SHISA9: variants seen among roughly 807,000 people sequenced by gnomAD.
The protein encoded by SHISA9 is shisa family member 9, also known as protein shisa-9.
A neutral mutation model predicts 38.0 loss-of-function variants in SHISA9; 13 were observed. That is an observed-to-expected ratio of 0.34 (90% CI 0.22 to 0.54). The LOEUF (loss-of-function observed/expected upper bound fraction) is 0.54. SHISA9 is among the 20% of genes least tolerant of loss of function. The pLI is 0.91. For synonymous variants in SHISA9, 275 were observed against 242.0 expected (o/e 1.14, Z -1.27); for missense variants, 538 against 575.8 (o/e 0.93, Z 0.67).
intron 2 of SHISA9, among the ~76,000 whole-genome samples, chr16:13,187,371 A>G (rs1267918368): frequency 5.8e-5 from 7 of 120,618 alleles, no homozygotes; most frequent in Non-Finnish European, 1.1e-4. Context: ...GTCTTGCTCT[A>G]TCACCCAGGC....
the SHISA9 span, among the ~76,000 whole-genome samples, chr16:13,269,768 G>T: frequency 6.6e-6 from 1 of 152,214 alleles, no homozygotes; most frequent in African/African-American, 2.4e-5. Flanking sequence ...GCTACAGTAA[G>T]GCTGTAGAGG....
downstream of SHISA9, among the ~76,000 whole-genome samples, chr16:13,244,745 A>G (rs2051459802): frequency 6.6e-6 from 1 of 152,192 alleles, no homozygotes; most frequent in Non-Finnish European, 1.5e-5. Flanking sequence ...TCAGCTGTAT[A>G]TGTGCTTTTC....
intron 2 of SHISA9, among the ~76,000 whole-genome samples, chr16:13,108,177 G>C (rs1361812230): frequency 1.3e-5 from 2 of 151,056 alleles, no homozygotes; most frequent in African/African-American, 4.9e-5. Context: ...CACCCAAGCT[G>C]GAGTGCAGTG....
At chr16:12,961,372 A>C (rs1312375220) in intron 2 of SHISA9, among the ~76,000 whole-genome samples, 1 of 152,206 alleles carries the variant, frequency 6.6e-6, no homozygotes, top group African/African-American at 2.4e-5. Context: ...ACGGCAATGG[A>C]GATCCATGGA....
the SHISA9 span, among the ~76,000 whole-genome samples, chr16:13,354,873 G>A: frequency 1.3e-5 from 2 of 152,138 alleles, no homozygotes; most frequent in Admixed American, 1.3e-4. Context: ...TGGCGAGATA[G>A]GTAACAGTTG....
At chr16:13,224,664 C>G (rs1054479080) in intron 4 of SHISA9, among the ~76,000 whole-genome samples, 1 of 152,126 alleles carries the variant, frequency 6.6e-6, no homozygotes, top group African/African-American at 2.4e-5. Flanking sequence ...TTAAGGGAGA[C>G]AGAGCATACA....
chr16:13,031,425 A>C (rs139491989), intron 2 of SHISA9, among the ~76,000 whole-genome samples: 1 of 152,182 alleles, frequency 6.6e-6, no homozygotes, highest in Non-Finnish European at 1.5e-5. Context: ...GGGATGCCTG[A>C]GGTAGAGTGG....
chr16:12,909,196 C>G, intron 1 of SHISA9: 1 of 985,704 alleles, frequency 1.0e-6, no homozygotes, highest in Non-Finnish European at 1.2e-6. Context: ...GGCACTGAGT[C>G]CTTGCATTTT....
At chr16:13,389,648 A>C in the SHISA9 span, among the ~76,000 whole-genome samples, 724 of 152,320 alleles carry the variant, frequency 4.8e-3, 8 homozygotes, top group Non-Finnish European at 7.9e-3. Context: ...AGCAGGTGGC[A>C]GCATTCCAGA....
intron 2 of SHISA9, among the ~76,000 whole-genome samples, chr16:13,046,282 G>T (rs1164988469): frequency 6.6e-6 from 1 of 152,150 alleles, no homozygotes; most frequent in Non-Finnish European, 1.5e-5. Flanking sequence ...CTAAATTTAG[G>T]TCCTATATGA....
chr16:13,479,265 C>T, the SHISA9 span, among the ~76,000 whole-genome samples: 1 of 152,156 alleles, frequency 6.6e-6, no homozygotes, highest in Non-Finnish European at 1.5e-5. Flanking sequence ...AAGATAATCT[C>T]CCTGTCTCAA....
At chr16:13,189,995 T>C (rs1424407801) in intron 2 of SHISA9, among the ~76,000 whole-genome samples, 2 of 151,844 alleles carry the variant, frequency 1.3e-5, no homozygotes, top group African/African-American at 2.4e-5. Context: ...GCTGGGGCTA[T>C]TGAGTGAAGG....
At chr16:13,041,474 G>T (rs534214252) in intron 2 of SHISA9, among the ~76,000 whole-genome samples, 16 of 152,264 alleles carry the variant, frequency 1.1e-4, no homozygotes, top group Admixed American at 2.6e-4. Context: ...TTCCCTGTTG[G>T]AGCCACGTAT....
chr16:13,036,291 A>G (rs1212788806), intron 2 of SHISA9, among the ~76,000 whole-genome samples: 1 of 152,270 alleles, frequency 6.6e-6, no homozygotes, highest in Non-Finnish European at 1.5e-5. Flanking sequence ...TATTTTAACA[A>G]CAATAGTAAA....
the SHISA9 span, among the ~76,000 whole-genome samples, chr16:13,470,089 A>G: frequency 6.6e-6 from 1 of 151,996 alleles, no homozygotes; most frequent in Non-Finnish European, 1.5e-5. Context: ...TCCCCTATTT[A>G]CTCTTCTACA....
the SHISA9 span, among the ~76,000 whole-genome samples, chr16:13,393,913 G>A: frequency 6.6e-6 from 1 of 152,162 alleles, no homozygotes; most frequent in Non-Finnish European, 1.5e-5. Context: ...TTGGGTCATT[G>A]TTCCCATTCT....
intron 4 of SHISA9, among the ~76,000 whole-genome samples, chr16:13,222,629 G>A (rs1180126584): frequency 3.3e-5 from 5 of 152,092 alleles, no homozygotes; most frequent in Admixed American, 6.6e-5. Flanking sequence ...AAAGAAGGTA[G>A]ACTAAATCTG....
the SHISA9 span, among the ~76,000 whole-genome samples, chr16:13,463,538 A>T: frequency 1.1e-3 from 165 of 152,320 alleles, 1 homozygote; most frequent in Non-Finnish European, 1.9e-3. Context: ...ATTGAGAGTG[A>T]TAATCTTGAT....
chr16:12,940,788 A>G (rs1372732982), intron 2 of SHISA9, among the ~76,000 whole-genome samples: 1 of 152,046 alleles, frequency 6.6e-6, no homozygotes, highest in African/African-American at 2.4e-5. Flanking sequence ...ACCTCGGGGG[A>G]GGTGCATTAC....
Sources: allele counts gnomAD v4.1 joint callset (sites outside exome capture counted in the v4.1 genomes callset), GRCh38; gene constraint gnomAD v4.1.1; transcripts MANE v1.5; gene names NCBI Gene and HGNC (gene_info 2026-07-23, HGNC 2026-07-21).